Variants in IPO5 observed in about 807,000 individuals in gnomAD.
IPO5 encodes the protein importin-5.
In IPO5, 18 loss-of-function variants were observed where a neutral mutation model predicts 143.3. That is an observed-to-expected ratio of 0.13 (90% confidence interval 0.09 to 0.19). The LOEUF (loss-of-function observed/expected upper bound fraction) is 0.19, where lower values mean the gene tolerates loss of function less well. IPO5 is among the 10% of genes least tolerant of loss of function. The probability of loss-of-function intolerance (pLI) is 1.00; values close to 1 mark genes in which losing one functional copy is unlikely to be tolerated. For missense variants in IPO5, 1,013 were observed against 1,336.9 expected (o/e 0.76, Z 3.78); for synonymous variants, 477 against 465.7 (o/e 1.02, Z -0.31).
At position 98,021,077 on chromosome 13, in the gene IPO5, A is replaced by G. The variant is rs1355117708; in HGVS notation, c.3151A>G (p.Ile1051Val). The G allele has an allele frequency of 4.3e-6, 7 of 1,611,724 alleles. No homozygotes were observed. The highest frequency in any genetic ancestry group is 5.9e-6 in the Non-Finnish European group (7 of 1,179,306). The change falls in exon 28 of 29, where the codon ATT becomes GTT. Residue 1051 changes from isoleucine (I) to valine (V), a missense_variant. Around this residue, in one of 2 missense-constraint regions of IPO5, gnomAD observed 685 missense variants for 994.9 expected, o/e 0.69. Coordinates refer to ENST00000651721, the MANE Select transcript of IPO5 (RefSeq NM_002271.6). ...TGCGGAAGGAGAAATGCACGAGGCAATTAAACATGAAGATCCTTGTGCCAA... is the reference window on the plus strand; with the variant it reads ...TGCGGAAGGAGAAATGCACGAGGCAGTTAAACATGAAGATCCTTGTGCCAA... The part of the protein sequence containing the change: ...IIAEGEMHEA[I>V]KHEDPCAKRL...
At chr13:97,977,902 A>G (rs1694830403) in intron 4 of IPO5, among the ~76,000 whole-genome samples, 1 of 152,242 alleles carries the variant, frequency 6.6e-6, no homozygotes, top group South Asian at 2.1e-4. Context: ...TTAATTTTAC[A>G]TATAGCCAAT....
Position 98,002,449 on chromosome 13 carries a change from T to A in IPO5, c.1109-18T>A. The A allele has an allele frequency of 6.2e-7, 1 of 1,612,558 alleles. No individual in the cohort carries two copies. The highest frequency in any genetic ancestry group is 8.5e-7 in the Non-Finnish European group (1 of 1,178,962). On this transcript the variant is annotated intron_variant, in intron 13 of 28. Transcript: ENST00000651721. ...TATAGTGTGTAATTGCTATTCCATC[T>A]GTAATTTTTTTCGGTAGCTGACTGG...
chr13:97,990,436 A>G lies in IPO5; in HGVS notation c.568A>G (p.Arg190Gly). Reference protein sequence around the residue: ...CMQDQEHPSIRTLSARATAAF... With the variant: ...CMQDQEHPSIGTLSARATAAF... ...CATTTTTTCCTCTTGATTTTAGATC[A>G]GGACGTTATCTGCTAGAGCTACAGC... Residue 190 changes from arginine (R) to glycine (G), a missense_variant, in exon 9 of 29, where the codon AGG becomes GGG. Arg to Gly is a moderately radical substitution (Grantham distance 125, BLOSUM62 -2). Coordinates refer to ENST00000651721, the MANE Select transcript of IPO5 (RefSeq NM_002271.6). 6.3e-7 allele frequency: 1 copy of G among 1,591,344 alleles called. No homozygotes were observed. Among genetic ancestry groups the G allele is most frequent in the African/African-American group, 1.4e-5 (1 of 73,930 alleles).
At chr13:98,004,575 A>G (rs1334287581) in intron 16 of IPO5, among the ~76,000 whole-genome samples, 1 of 152,124 alleles carries the variant, frequency 6.6e-6, no homozygotes, top group Non-Finnish European at 1.5e-5. Context: ...GTTTTTAAAG[A>G]TAAGTGGAAG....
In IPO5 at chr13:98,021,953, A is replaced by C. The variant is rs1890525608; in HGVS notation, c.*131A>C. On this transcript the variant is annotated 3_prime_UTR_variant, in exon 29 of 29. Coordinates refer to ENST00000651721, the MANE Select transcript of IPO5 (RefSeq NM_002271.6). ...GTGTAGGCCATTCTTCTGGAGAGCC[A>C]CAAGCAGGAAGAGCAGCGCTGTGTT... is the stretch of plus-strand genomic sequence containing the variant. The C allele has an allele frequency of 2.0e-6, 1 of 501,230 alleles. No individual in the cohort carries two copies. The highest frequency in any genetic ancestry group is 3.5e-6 in the Non-Finnish European group (1 of 284,318). The allele number at this position is 501,230 out of a possible 1,614,324, so 31.0% of individuals were successfully genotyped here.
intron 22 of IPO5, 94 bp from the exon 23 acceptor site, chr13:98,015,436 T>C (rs1890062267): frequency 1.4e-6 from 1 of 699,266 alleles, no homozygotes; most frequent in Non-Finnish European, 2.5e-6. Context: ...TACTGAACTG[T>C]GTTCATTTTT....
chr13:98,023,512 A>T lies in IPO5; in HGVS notation c.*1690A>T, dbSNP rs1311680425. On this transcript the variant is annotated 3_prime_UTR_variant, in exon 29 of 29. Coordinates refer to ENST00000651721, the MANE Select transcript of IPO5 (RefSeq NM_002271.6). ...CTTTATTACTACACTTGCAGAAAAG[A>T]AACATGTTAAAATCATGGCACACCT... The T allele has an allele frequency of 1.3e-5, 2 of 152,174 alleles. No homozygotes were observed. The highest frequency in any genetic ancestry group is 2.9e-5 in the Non-Finnish European group (2 of 68,026). The allele number at this position is 152,174 out of a possible 1,614,324, so 9.4% of individuals were successfully genotyped here.
chr13:98,011,830 CA>C (rs1741943530), intron 20 of IPO5, among the ~76,000 whole-genome samples: 1 of 152,094 alleles, frequency 6.6e-6, no homozygotes, highest in Non-Finnish European at 1.5e-5. Flanking sequence ...TACAAAATAA[CA>C]GAAGCGTTTT....
rs525939 is a variant in IPO5 at position 98,018,634 on chromosome 13, G to A, written c.2766G>A (p.Arg922=). 8,019 of 1,614,168 alleles carry A rather than the reference G, an allele frequency of 5.0e-3. 295 individuals carry two copies. In the African/African-American group the frequency reaches 0.088, roughly 18 times the overall value. The change falls in exon 26 of 29, where the codon AGG becomes AGA. Residue 922 remains arginine (R), a synonymous_variant. Coordinates refer to ENST00000651721, the MANE Select transcript of IPO5 (RefSeq NM_002271.6). ...QYVCDNSPEV[R]QAAAYGLGVM... ...TATGTGACAACAGCCCAGAAGTCAG[G>A]CAAGCAGCTGCATATGGCCTGGGAG...
intron 21 of IPO5, among the ~76,000 whole-genome samples, chr13:98,013,766 G>A (rs1889897549): frequency 6.6e-6 from 1 of 152,132 alleles, no homozygotes; most frequent in Non-Finnish European, 1.5e-5. Context: ...GCATGCTAAT[G>A]GTCATGGGTC....
Position 97,974,435 on chromosome 13 carries a change from T to C in IPO5, c.-4-2258T>C, listed in dbSNP as rs1347026614. On this transcript the variant is annotated intron_variant, in intron 3 of 28. Transcript: ENST00000651721. ...GATTCTCCTGCCTCAGCCTCCCGAG[T>C]AGCTGGGATTACAGGCGCCCACCAC... 2.0e-5 allele frequency among the ~76,000 whole-genome samples: 3 copies of C among 151,076 alleles called. No individual in the cohort carries two copies. In the East Asian group the frequency reaches 5.8e-4, roughly 29 times the overall value.
Position 97,982,573 on chromosome 13 carries a change from C to G in IPO5, c.161C>G (p.Ala54Gly). ...FLLQAIRNTT[A>G]AEEARQMAAV... ...TTACAAGCCATCAGAAATACAACAG[C>G]TGCTGAAGAGGTACTACCTTAATAT... is the stretch of plus-strand genomic sequence containing the variant. Residue 54 changes from alanine (A) to glycine (G), a missense_variant, in exon 5 of 29, where the codon GCT becomes GGT. By Grantham distance (60) the Ala-to-Gly change is moderately conservative (BLOSUM62 0). This residue lies in a region of IPO5 where 328 missense variants were observed against 342.0 expected (regional missense o/e 0.96). Transcript: ENST00000651721. 6.3e-7 allele frequency: 1 copy of G among 1,596,470 alleles called. No homozygotes were observed. Among genetic ancestry groups the G allele is most frequent in the Non-Finnish European group, 8.6e-7 (1 of 1,164,100 alleles).
At chr13:97,982,957 G>A (rs1886977481) in intron 5 of IPO5, among the ~76,000 whole-genome samples, 1 of 152,230 alleles carries the variant, frequency 6.6e-6, no homozygotes, top group Non-Finnish European at 1.5e-5. Flanking sequence ...TGCAACCTCT[G>A]CCTCCTGGGT....
chr13:97,954,982 C>T (rs1442485294), intron 2 of IPO5, among the ~76,000 whole-genome samples: 1 of 152,138 alleles, frequency 6.6e-6, no homozygotes, highest in Non-Finnish European at 1.5e-5. Context: ...AATCCCAGCA[C>T]TTTGGGAGGC....
chr13:97,969,752 G>C lies in IPO5; in HGVS notation c.-83G>C, dbSNP rs745679522. On this transcript the variant is annotated 5_prime_UTR_variant, in exon 3 of 29. Transcript: ENST00000651721. ...GGAAAGAAATTCCTAAGGGAACACT[G>C]CTCAGAAAGTACTGCAGCATGTCTT... 16 of 1,597,290 alleles carry C rather than the reference G, an allele frequency of 1.0e-5. No individual in the cohort carries two copies. The African/African-American group carries it at 2.1e-4, about 21-fold the overall frequency.
Position 97,973,665 on chromosome 13 carries a change from A to T in IPO5, c.-4-3028A>T, listed in dbSNP as rs1278721999. Among the ~76,000 whole-genome samples the T allele has an allele frequency of 2.0e-5, 3 of 152,230 alleles. No homozygotes were observed. The East Asian group carries it at 5.8e-4, about 29-fold the overall frequency. On this transcript the variant is annotated intron_variant, in intron 3 of 28. Transcript: ENST00000651721. ...GATTGGATATTTAAAATGTTAAAATAAGGCTGGGCTGTGATTTCGTGTTCT... is the reference window on the plus strand; with the variant it reads ...GATTGGATATTTAAAATGTTAAAATTAGGCTGGGCTGTGATTTCGTGTTCT...
At chr13:97,996,568 G>C (rs1888305524) in intron 11 of IPO5, among the ~76,000 whole-genome samples, 1 of 152,124 alleles carries the variant, frequency 6.6e-6, no homozygotes, top group Non-Finnish European at 1.5e-5. Flanking sequence ...CATAGTTTAT[G>C]CAACAGCTGT....
Position 97,969,748 on chromosome 13 carries a change from C to T in IPO5, c.-87C>T. 1 of 1,583,966 alleles carries T rather than the reference C, an allele frequency of 6.3e-7. No individual in the cohort carries two copies. The highest frequency in any genetic ancestry group is 8.7e-7 in the Non-Finnish European group (1 of 1,153,156). On this transcript the variant is annotated 5_prime_UTR_variant, in exon 3 of 29. Transcript: ENST00000651721. Reference sequence around the variant, plus strand: ...CAGAGGAAAGAAATTCCTAAGGGAACACTGCTCAGAAAGTACTGCAGCATG... The same window carrying T: ...CAGAGGAAAGAAATTCCTAAGGGAATACTGCTCAGAAAGTACTGCAGCATG...
chr13:97,963,848 G>A (rs541914564), intron 2 of IPO5, among the ~76,000 whole-genome samples: 9 of 151,888 alleles, frequency 5.9e-5, no homozygotes, highest in African/African-American at 1.2e-4. Context: ...CCACAGCCTC[G>A]CCAGCATCTG....
Sources: gnomAD v4.1 joint callset for allele counts (sites outside exome capture counted in the v4.1 genomes callset) on GRCh38, gnomAD v4.1.1 for gene constraint, gnomAD v4.1.1 regional missense constraint, MANE v1.5 for transcripts, NCBI Gene and HGNC (gene_info 2026-07-23, HGNC 2026-07-21) for gene names.